Variants in FOSL2 observed in about 807,000 individuals in gnomAD.
FOSL2 encodes the protein FOS like 2, AP-1 transcription factor subunit, also known as fos-related antigen 2.
A neutral mutation model predicts 27.7 loss-of-function variants in FOSL2; 3 were observed. The ratio of observed to expected loss-of-function variants is 0.11; its 90% confidence interval spans 0.05 to 0.28. FOSL2 has a LOEUF of 0.28. Ranked by LOEUF, FOSL2 falls within the 10% of genes least tolerant of loss-of-function variation. The probability of loss-of-function intolerance (pLI) is 1.00; values close to 1 mark genes in which losing one functional copy is unlikely to be tolerated. For synonymous variants in FOSL2, 179 were observed against 190.1 expected (o/e 0.94, Z 0.48); for missense variants, 333 against 445.1 (o/e 0.75, Z 2.27).
rs367834061 is a variant in FOSL2, at chr2:28,404,214, C to G, written c.210C>G (p.Thr70=). 7 of 1,614,246 alleles carry G rather than the reference C, an allele frequency of 4.3e-6. No homozygotes were observed. The African/African-American group carries it at 9.3e-5, about 22-fold the overall frequency. The change falls in exon 2 of 4, where the codon ACC becomes ACG. Residue 70 remains threonine (T), a synonymous_variant. Transcript: ENST00000264716. This position sits in a 1 kb window ranked among gnomAD's most constrained non-coding sequence, Gnocchi z 4.7. ...LQWMVQPTVI[T]SMSNPYPRSH... is the part of the protein sequence containing the mutation. ...GGATGGTGCAGCCCACAGTGATCAC[C>G]TCCATGTCCAACCCATACCCTCGCT...
chr2:28,406,852 G>A (rs772883298), intron 2 of FOSL2, among the ~76,000 whole-genome samples: 8 of 152,190 alleles, frequency 5.3e-5, no homozygotes, highest in Non-Finnish European at 1.2e-4. Flanking sequence ...CTCCGGAGCC[G>A]GCCTGGTGCC....
At chr2:28,399,771 T>G (rs2148081167) in intron 1 of FOSL2, among the ~76,000 whole-genome samples, 1 of 152,318 alleles carries the variant, frequency 6.6e-6, no homozygotes, top group African/African-American at 2.4e-5. Context: ...AGAATGAACC[T>G]CTGGGACAGG....
intron 1 of FOSL2, chr2:28,395,400 G>C (rs1171846903): frequency 6.6e-6 from 1 of 152,176 alleles, no homozygotes; most frequent in African/African-American, 2.4e-5. Context: ...GTGATCATTG[G>C]AGTATTACAA....
intron 3 of FOSL2, among the ~76,000 whole-genome samples, chr2:28,409,905 T>C (rs1379727089): frequency 6.6e-6 from 1 of 152,126 alleles, no homozygotes; most frequent in Non-Finnish European, 1.5e-5. Flanking sequence ...CATGCCCGGC[T>C]AATTTTTGTA....
At chr2:28,402,595 T>A (rs1028893916) in intron 1 of FOSL2, among the ~76,000 whole-genome samples, 6 of 152,224 alleles carry the variant, frequency 3.9e-5, no homozygotes, top group African/African-American at 1.4e-4. Context: ...GCATCCATGC[T>A]AATGATAGTG....
intron 2 of FOSL2, among the ~76,000 whole-genome samples, chr2:28,407,684 G>C (rs546415124): frequency 6.6e-6 from 1 of 152,190 alleles, no homozygotes; most frequent in Non-Finnish European, 1.5e-5. Context: ...GTGTAGCACC[G>C]GGCAGTTAGT....
intron 1 of FOSL2, among the ~76,000 whole-genome samples, chr2:28,402,601 T>C (rs1018836821): frequency 1.3e-5 from 2 of 152,208 alleles, no homozygotes; most frequent in African/African-American, 4.8e-5. Flanking sequence ...ATGCTAATGA[T>C]AGTGGGGTTC....
At chr2:28,401,301 C>T (rs899872392) in intron 1 of FOSL2, among the ~76,000 whole-genome samples, 4 of 151,470 alleles carry the variant, frequency 2.6e-5, no homozygotes, top group African/African-American at 9.7e-5. Flanking sequence ...GGTCTAATGG[C>T]GAGGCTCTGA....
At chr2:28,402,085 C>T (rs937167753) in intron 1 of FOSL2, among the ~76,000 whole-genome samples, 23 of 152,180 alleles carry the variant, frequency 1.5e-4, no homozygotes, top group African/African-American at 3.4e-4. Context: ...GTGCAGCTCT[C>T]CTCCCGAATC....
In FOSL2 at chr2:28,393,765, C is replaced by T; in HGVS notation, c.45C>T (p.Gly15=). The change falls in exon 1 of 4, where the codon GGC becomes GGT. Residue 15 remains glycine, a synonymous_variant. Coordinates refer to ENST00000264716, the MANE Select transcript of FOSL2 (RefSeq NM_005253.4). The surrounding 1 kb of genome is among the most constrained non-coding windows in gnomAD (Gnocchi z 4.6). ...GGAACTTTGACACCTCGTCCCGGGG[C>T]AGCAGCGGCTCTCCTGCGCACGCCG... ...YPGNFDTSSR[G]SSGSPAHAES... 1 of 1,609,948 alleles carries T rather than the reference C, an allele frequency of 6.2e-7. No homozygotes were observed. The highest frequency in any genetic ancestry group is 8.5e-7 in the Non-Finnish European group (1 of 1,178,548).
intron 1 of FOSL2, chr2:28,394,758 T>A (rs938415030): frequency 1.3e-5 from 2 of 152,340 alleles, no homozygotes; most frequent in African/African-American, 4.8e-5. Flanking sequence ...GTCTGCCCTC[T>A]GCTGCAGCTC....
At chr2:28,394,848 T>G (rs1192562956) in intron 1 of FOSL2, among the ~76,000 whole-genome samples, 1 of 152,138 alleles carries the variant, frequency 6.6e-6, no homozygotes, top group Non-Finnish European at 1.5e-5. Context: ...TCAGCATCTG[T>G]GGAGTCTAGC....
chr2:28,412,281 G>A lies in FOSL2; in HGVS notation c.814G>A (p.Ala272Thr). 1 of 1,614,120 alleles carries A rather than the reference G, an allele frequency of 6.2e-7. No individual in the cohort carries two copies. The highest frequency in any genetic ancestry group is 8.5e-7 in the Non-Finnish European group (1 of 1,180,010). The part of the protein sequence containing the change: ...HTPIVVTSTP[A>T]VTPGTSNLVF... ...CCCCATCGTGGTGACCTCCACACCT[G>A]CTGTCACTCCGGGCACCTCGAACCT... Residue 272 changes from alanine (A) to threonine (T), a missense_variant, in exon 4 of 4, where the codon GCT (alanine) becomes ACT (threonine). By Grantham distance (58) the Ala-to-Thr change is moderately conservative. Coordinates refer to ENST00000264716, the MANE Select transcript of FOSL2 (RefSeq NM_005253.4). This position sits in a 1 kb window ranked among gnomAD's most constrained non-coding sequence, Gnocchi z 7.1.
chr2:28,398,672 A>G (rs1663910536), intron 1 of FOSL2, among the ~76,000 whole-genome samples: 1 of 152,250 alleles, frequency 6.6e-6, no homozygotes, highest in Non-Finnish European at 1.5e-5. Flanking sequence ...AAGTCTTTCA[A>G]GGGAACCCAG....
rs1036095455 is a variant in FOSL2 at position 28,408,283 on chromosome 2, T to A, written c.355-476T>A. On this transcript the variant is annotated intron_variant, in intron 2 of 3. Coordinates refer to ENST00000264716, the MANE Select transcript of FOSL2 (RefSeq NM_005253.4). The surrounding 1 kb of genome is among the most constrained non-coding windows in gnomAD (Gnocchi z 4.1). The stretch of plus-strand genomic sequence containing the variant: ...CTCCAGGCCCAGCTACTTAACAAAA[T>A]GGGGATAATGAGGCTTGCAGAGCAG... Among the ~76,000 whole-genome samples the A allele has an allele frequency of 1.3e-5, 2 of 152,018 alleles. No homozygotes were observed. The highest frequency in any genetic ancestry group is 2.9e-5 in the Non-Finnish European group (2 of 68,002).
At chr2:28,398,784 C>T (rs2148079757) in intron 1 of FOSL2, among the ~76,000 whole-genome samples, 1 of 152,324 alleles carries the variant, frequency 6.6e-6, no homozygotes, top group African/African-American at 2.4e-5. Context: ...TCCATTGTGA[C>T]ATAGTGGTAT....
chr2:28,401,496 G>A, intron 1 of FOSL2, among the ~76,000 whole-genome samples: 1 of 152,128 alleles, frequency 6.6e-6, no homozygotes, highest in East Asian at 1.9e-4. Flanking sequence ...CCCAGGGCAA[G>A]GCACTCAGTG....
chr2:28,399,669 G>A (rs980884515), intron 1 of FOSL2, among the ~76,000 whole-genome samples: 6 of 152,104 alleles, frequency 3.9e-5, no homozygotes, highest in African/African-American at 1.2e-4. Flanking sequence ...CCGTCTCCTC[G>A]GCTACCTGGG....
In FOSL2 at chr2:28,408,029, G is replaced by T. The variant is rs547204957; in HGVS notation, c.355-730G>T. ...GGAACCAGGTGCTCACTTGTTGAGT[G>T]GACAGATATGGTGGGCAGCAGGATT... On this transcript the variant is annotated intron_variant, in intron 2 of 3. Coordinates refer to ENST00000264716, the MANE Select transcript of FOSL2 (RefSeq NM_005253.4). The surrounding 1 kb of genome is among the most constrained non-coding windows in gnomAD (Gnocchi z 4.1). Among the ~76,000 whole-genome samples the T allele has an allele frequency of 1.3e-5, 2 of 152,352 alleles. No homozygotes were observed. The highest frequency in any genetic ancestry group is 4.1e-4 in the South Asian group (2 of 4,832).
Sources: gnomAD v4.1 joint callset for allele counts (sites outside exome capture counted in the v4.1 genomes callset) on GRCh38, gnomAD v4.1.1 for gene constraint, Gnocchi (gnomAD v3.1) non-coding constraint, MANE v1.5 for transcripts, NCBI Gene and HGNC (gene_info 2026-07-23, HGNC 2026-07-21) for gene names.